The following MAN2A1 variants were observed in gnomAD, a reference collection of about 807,000 sequenced individuals.
The protein encoded by MAN2A1 is alpha-mannosidase 2.
MAN2A1 carries 76 observed loss-of-function variants against 142.6 expected under a neutral mutation model. That is an observed-to-expected ratio of 0.53 (90% CI 0.44 to 0.65). The LOEUF is 0.65. Ranked by LOEUF, MAN2A1 falls within the 30% of genes least tolerant of loss-of-function variation. The pLI is 0.00. For synonymous variants in MAN2A1, 559 were observed against 473.2 expected (o/e 1.18, Z -2.35); for missense variants, 1,311 against 1,365.1 (o/e 0.96, Z 0.62).
intron 12 of MAN2A1, among the ~76,000 whole-genome samples, chr5:109,800,722 T>C (rs1754005505): frequency 6.6e-6 from 1 of 152,194 alleles, no homozygotes; most frequent in Non-Finnish European, 1.5e-5. Flanking sequence ...TTTTATGAAA[T>C]TTGTGTTTTC....
At chr5:109,711,779 G>A (rs371252081) in intron 1 of MAN2A1, among the ~76,000 whole-genome samples, 120 of 152,250 alleles carry the variant, frequency 7.9e-4, no homozygotes, top group African/African-American at 2.2e-3. Flanking sequence ...GATGGGACCT[G>A]TGCTAAAACT....
At chr5:109,821,443 A>G (rs186357016) in intron 15 of MAN2A1, among the ~76,000 whole-genome samples, 1 of 152,284 alleles carries the variant, frequency 6.6e-6, no homozygotes, top group East Asian at 1.9e-4. Context: ...ACTTTCTAGA[A>G]GAGTCATTTT....
chr5:109,779,630 C>G (rs1753396523), intron 8 of MAN2A1, among the ~76,000 whole-genome samples: 1 of 151,856 alleles, frequency 6.6e-6, no homozygotes, highest in East Asian at 1.9e-4. Flanking sequence ...TAATAATACT[C>G]TTAGTGTTAG....
intron 12 of MAN2A1, among the ~76,000 whole-genome samples, chr5:109,799,630 T>C (rs1007574468): frequency 4.6e-5 from 7 of 151,662 alleles, no homozygotes; most frequent in African/African-American, 1.7e-4. Flanking sequence ...GGCGCATGCC[T>C]GGAATCCCAG....
rs1010950709 is a variant in MAN2A1 at position 109,737,035 on chromosome 5, T to C, written c.707+7522T>C. On this transcript the variant is annotated intron_variant, in intron 4 of 21. Coordinates refer to ENST00000261483, the MANE Select transcript of MAN2A1 (RefSeq NM_002372.4). ...TGCAAGTGCTATTTTTTCCCAGTTA[T>C]ACTTTATTATAAACTAGCTTTAATG... Among the ~76,000 whole-genome samples, 10 of 151,982 alleles carry C rather than the reference T, an allele frequency of 6.6e-5. 1 individual carries two copies. Among genetic ancestry groups the C allele is most frequent in the Non-Finnish European group, 1.0e-4 (7 of 68,004 alleles).
chr5:109,762,943 G>T (rs1323805977), intron 5 of MAN2A1, among the ~76,000 whole-genome samples: 2 of 152,178 alleles, frequency 1.3e-5, no homozygotes, highest in Non-Finnish European at 2.9e-5. Context: ...GAGAAGACTG[G>T]CTTTATAGGC....
At chr5:109,825,981 A>G (rs1224030032) in intron 16 of MAN2A1, among the ~76,000 whole-genome samples, 1 of 129,340 alleles carries the variant, frequency 7.7e-6, no homozygotes, top group Admixed American at 1.0e-4. Flanking sequence ...ATCTCGGCTC[A>G]CTGCAGCCTC....
chr5:109,810,564 T>A (rs1201241467), intron 12 of MAN2A1, among the ~76,000 whole-genome samples: 1 of 152,168 alleles, frequency 6.6e-6, no homozygotes, highest in African/African-American at 2.4e-5. Flanking sequence ...AATGAAAAAA[T>A]CAACTGTGTA....
chr5:109,780,254 G>T (rs1419637504), intron 8 of MAN2A1, among the ~76,000 whole-genome samples: 1 of 151,860 alleles, frequency 6.6e-6, no homozygotes, highest in Non-Finnish European at 1.5e-5. Context: ...TAGAGACGGG[G>T]TTTACTGTGT....
At chr5:109,857,103 C>T (rs753299613) in intron 20 of MAN2A1, among the ~76,000 whole-genome samples, 18 of 152,116 alleles carry the variant, frequency 1.2e-4, no homozygotes, top group Non-Finnish European at 2.5e-4. Flanking sequence ...ATAAGAGACT[C>T]CTGCAGATTT....
rs572629556 is a variant in MAN2A1, at chr5:109,818,414, A to G, written c.2109+976A>G. ...TACTCTTAAATATGCATCATCTTTT[A>G]GATAGAAAGGTAAACTATAATAAAA... On this transcript the variant is annotated intron_variant, in intron 13 of 21. Coordinates refer to ENST00000261483, the MANE Select transcript of MAN2A1 (RefSeq NM_002372.4). 1.1e-4 allele frequency among the ~76,000 whole-genome samples: 16 copies of G among 152,178 alleles called. No individual in the cohort carries two copies. The South Asian group carries it at 2.9e-3, about 28-fold the overall frequency.
intron 5 of MAN2A1, among the ~76,000 whole-genome samples, chr5:109,765,175 A>G (rs1752957052): frequency 6.6e-6 from 1 of 152,124 alleles, no homozygotes; most frequent in Non-Finnish European, 1.5e-5. Flanking sequence ...CCCCCCACCC[A>G]GTCAAGAATG....
Position 109,741,606 on chromosome 5 carries a change from C to T in MAN2A1, c.707+12093C>T, listed in dbSNP as rs926309051. ...ACCTGTTAATTCCAGCAGAGTTCCA[C>T]GTAAGCTTTCATTGTCCCTGAAGAA... On this transcript the variant is annotated intron_variant, in intron 4 of 21. Coordinates refer to ENST00000261483, the MANE Select transcript of MAN2A1 (RefSeq NM_002372.4). Among the ~76,000 whole-genome samples, 3 of 152,110 alleles carry T rather than the reference C, an allele frequency of 2.0e-5. No individual in the cohort carries two copies. The East Asian group carries it at 5.8e-4, about 29-fold the overall frequency.
intron 1 of MAN2A1, among the ~76,000 whole-genome samples, chr5:109,712,057 C>T (rs1430830378): frequency 6.6e-6 from 1 of 151,806 alleles, no homozygotes; most frequent in Non-Finnish European, 1.5e-5. Context: ...TGCCCCCAAC[C>T]ACTGCCACCC....
chr5:109,781,644 TATC>T, intron 9 of MAN2A1, 46 bp downstream of exon 9: 1 of 1,299,340 alleles, frequency 7.7e-7, no homozygotes, highest in Non-Finnish European at 1.1e-6. Context: ...CACTTTATAT[TATC>T]ATAATCTTTT....
chr5:109,833,455 G>T (rs1044174875), intron 16 of MAN2A1, among the ~76,000 whole-genome samples: 2 of 152,136 alleles, frequency 1.3e-5, no homozygotes, highest in Non-Finnish European at 2.9e-5. Context: ...ATCACTCGTG[G>T]TTAGGAGCTG....
intron 20 of MAN2A1, among the ~76,000 whole-genome samples, chr5:109,859,371 A>G (rs1305417144): frequency 6.6e-6 from 1 of 152,160 alleles, no homozygotes; most frequent in African/African-American, 2.4e-5. Flanking sequence ...GCTTTATATC[A>G]ATTTTTGGAA....
At chr5:109,726,471 A>G (rs1216146334) in intron 3 of MAN2A1, among the ~76,000 whole-genome samples, 2 of 152,168 alleles carry the variant, frequency 1.3e-5, no homozygotes, top group Non-Finnish European at 2.9e-5. Context: ...TGGTGGTGAT[A>G]TCAGTATGAG....
At chr5:109,759,472 T>A (rs1267158331) in intron 5 of MAN2A1, among the ~76,000 whole-genome samples, 1 of 152,190 alleles carries the variant, frequency 6.6e-6, no homozygotes, top group Non-Finnish European at 1.5e-5. Context: ...TGGTAATCCA[T>A]TTCCTTTTAT....
Sources: gnomAD v4.1 joint callset for allele counts (sites outside exome capture counted in the v4.1 genomes callset) on GRCh38, gnomAD v4.1.1 for gene constraint, MANE v1.5 for transcripts, NCBI Gene and HGNC (gene_info 2026-07-23, HGNC 2026-07-21) for gene names.